CERS4: variants seen among roughly 807,000 people sequenced by gnomAD.
The protein encoded by CERS4 is ceramide synthase 4, also known as LAG1 homolog, ceramide synthase 4.
CERS4 carries 65 observed loss-of-function variants against 51.8 expected under a neutral mutation model. That is an observed-to-expected ratio of 1.26 (90% CI 1.03 to 1.54). The LOEUF (loss-of-function observed/expected upper bound fraction) is 1.54, where lower values mean the gene tolerates loss of function less well. Among genes scored for constraint, CERS4 ranks in the 40% most tolerant of loss-of-function variants. CERS4 has a pLI of 0.00. For missense variants in CERS4, 563 were observed against 500.4 expected, an observed-to-expected ratio of 1.13 and a Z score of -1.19; for synonymous variants, 228 against 208.4, an observed-to-expected ratio of 1.09 and a Z score of -0.81.
intron 2 of CERS4, among the ~76,000 whole-genome samples, chr19:8,227,585 A>G (rs964925385): frequency 5.9e-5 from 9 of 151,664 alleles, no homozygotes; most frequent in Non-Finnish European, 1.2e-4. Context: ...CAAATGATCC[A>G]CCCGTCTCAG....
intron 2 of CERS4, among the ~76,000 whole-genome samples, chr19:8,245,701 G>A (rs945480565): frequency 2.0e-5 from 3 of 151,366 alleles, no homozygotes; most frequent in Non-Finnish European, 4.4e-5. Context: ...CACCACCCCT[G>A]GCTAATTTTT....
chr19:8,214,996 A>AGGAGG (rs1967239133), intron 2 of CERS4, among the ~76,000 whole-genome samples: 5 of 43,784 alleles, frequency 1.1e-4, no homozygotes, highest in East Asian at 1.1e-3. Flanking sequence ...GGGGGAGGAG[A>AGGAGG]GGGAGGAGGA....
At chr19:8,245,217 A>AT (rs201077873) in intron 2 of CERS4, among the ~76,000 whole-genome samples, 4,728 of 148,060 alleles carry the variant, frequency 0.032, 103 homozygotes, top group South Asian at 0.056. Flanking sequence ...ACCTGGGTCT[A>AT]TTTTTTATTT....
intron 2 of CERS4, among the ~76,000 whole-genome samples, chr19:8,220,486 G>A (rs1329311138): frequency 1.3e-5 from 2 of 152,134 alleles, no homozygotes; most frequent in Non-Finnish European, 2.9e-5. Flanking sequence ...TATATTTTTA[G>A]TAGAAATGGG....
intron 2 of CERS4, among the ~76,000 whole-genome samples, chr19:8,221,419 G>A (rs1007026453): frequency 2.0e-5 from 3 of 152,094 alleles, no homozygotes; most frequent in South Asian, 2.1e-4. Context: ...TTGTTTTCAC[G>A]GCTAGCCTCT....
At chr19:8,235,895 C>T (rs558770701) in intron 2 of CERS4, among the ~76,000 whole-genome samples, 2 of 150,008 alleles carry the variant, frequency 1.3e-5, no homozygotes, top group East Asian at 4.0e-4. Context: ...AGACCCTATC[C>T]CAAAACAAAA....
At chr19:8,254,354 C>G (rs1195341565) in intron 3 of CERS4, 145 bp from the exon 4 acceptor site, 6 of 417,242 alleles carry the variant, frequency 1.4e-5, no homozygotes, top group Non-Finnish European at 2.7e-5. Flanking sequence ...TCTTACACAC[C>G]CTGCCATGTG....
At chr19:8,236,582 G>A (rs56053254) in intron 2 of CERS4, among the ~76,000 whole-genome samples, 7,946 of 151,374 alleles carry the variant, frequency 0.052, 689 homozygotes, top group African/African-American at 0.18. Flanking sequence ...GGGATGCTGA[G>A]GTGGGAGGAT....
In CERS4 at chr19:8,257,073, T is replaced by A; in HGVS notation, c.737T>A (p.Leu246Gln). Residue 246 changes from leucine (L) to glutamine (Q), a missense_variant, in exon 9 of 12, where the codon CTG (leucine) becomes CAG (glutamine). Leu to Gln is a moderately radical substitution (Grantham distance 113, BLOSUM62 -2). Coordinates refer to ENST00000251363, the MANE Select transcript of CERS4 (RefSeq NM_024552.3). ...LLLHDSSDYL[L>Q]EACKMVNYMQ... The stretch of plus-strand genomic sequence containing the variant: ...TTACACGATTCCTCTGACTACCTGC[T>A]GGAGGTGGGCCCGACCCCTGCCTGA... 6.3e-7 allele frequency: 1 copy of A among 1,598,720 alleles called. No individual in the cohort carries two copies. The highest frequency in any genetic ancestry group is 8.5e-7 in the Non-Finnish European group (1 of 1,170,838).
At chr19:8,257,422 A>G (rs1028113733) in intron 9 of CERS4, among the ~76,000 whole-genome samples, 11 of 145,230 alleles carry the variant, frequency 7.6e-5, no homozygotes, top group African/African-American at 2.9e-4. Flanking sequence ...ACACATGTGC[A>G]CACACGCATG....
chr19:8,255,923 A>C (rs775946808), intron 6 of CERS4, 44 bp downstream of exon 6: 2 of 1,601,250 alleles, frequency 1.2e-6, no homozygotes, highest in Non-Finnish European at 1.7e-6. Context: ...TGCCCCATCC[A>C]CCTGGCCTAG....
At chr19:8,244,894 C>G (rs1174467160) in intron 2 of CERS4, among the ~76,000 whole-genome samples, 1 of 151,880 alleles carries the variant, frequency 6.6e-6, no homozygotes, top group Admixed American at 6.6e-5. Context: ...CCTGTAATCC[C>G]AGCACTTTCG....
At chr19:8,233,457 G>A (rs781135599) in intron 2 of CERS4, among the ~76,000 whole-genome samples, 11 of 152,022 alleles carry the variant, frequency 7.2e-5, no homozygotes, top group East Asian at 3.9e-4. Context: ...GTGAGCCACC[G>A]TGCCTGGCCC....
rs573576890 is a variant in CERS4 at position 8,222,624 on chromosome 19, G to A, written c.-2+11762G>A. 5.9e-5 allele frequency among the ~76,000 whole-genome samples: 9 copies of A among 151,976 alleles called. No homozygotes were observed. The East Asian group carries it at 1.2e-3, about 20-fold the overall frequency. On this transcript the variant is annotated intron_variant, in intron 2 of 11. Coordinates refer to ENST00000251363, the MANE Select transcript of CERS4 (RefSeq NM_024552.3). ...AGCAATTCTCCTGCTTCAGCCTCCC[G>A]AGTAGCTGGGATTACAGGCATGCGC...
chr19:8,237,774 C>T (rs1460888972), intron 2 of CERS4, among the ~76,000 whole-genome samples: 2 of 152,032 alleles, frequency 1.3e-5, no homozygotes, highest in Non-Finnish European at 2.9e-5. Context: ...TGGCGTGAAC[C>T]CGGGAGGTGG....
chr19:8,251,582 C>T (rs553306662), intron 3 of CERS4, among the ~76,000 whole-genome samples: 2 of 152,020 alleles, frequency 1.3e-5, no homozygotes, highest in African/African-American at 4.8e-5. Context: ...GAGGCTGAGG[C>T]GGGTGGATCA....
intron 2 of CERS4, among the ~76,000 whole-genome samples, chr19:8,238,042 C>G (rs1968351195): frequency 1.3e-5 from 2 of 152,170 alleles, no homozygotes; most frequent in East Asian, 1.9e-4. Flanking sequence ...GGTAATCCCC[C>G]CCCACAATCC....
At chr19:8,258,902 G>A (rs1434376374) in intron 10 of CERS4, among the ~76,000 whole-genome samples, 4 of 152,058 alleles carry the variant, frequency 2.6e-5, no homozygotes, top group African/African-American at 9.7e-5. Flanking sequence ...GGGAGGCCAA[G>A]GTGGCTGGAT....
rs930287747 is a variant in CERS4, at chr19:8,242,759, C to G, written c.-1-8317C>G. 2.0e-5 allele frequency among the ~76,000 whole-genome samples: 3 copies of G among 152,068 alleles called. No homozygotes were observed. In the East Asian group the frequency reaches 5.8e-4, roughly 29 times the overall value. On this transcript the variant is annotated intron_variant, in intron 2 of 11. Transcript: ENST00000251363. ...AGGCAGAGGCCAGTATTTGTAAAGG[C>G]TAGGATGTGTGAAACGATATGGTCT...
Sources: allele counts gnomAD v4.1 joint callset (sites outside exome capture counted in the v4.1 genomes callset), GRCh38; gene constraint gnomAD v4.1.1; transcripts MANE v1.5; gene names NCBI Gene and HGNC (gene_info 2026-07-23, HGNC 2026-07-21).